The following SH3GL2 variants were observed in gnomAD, a reference collection of about 807,000 sequenced individuals.
SH3GL2 encodes endophilin-A1.
Under a neutral mutation model 46.0 loss-of-function variants are expected in SH3GL2, and 24 were observed. The observed-to-expected ratio is 0.52, with a 90% CI of 0.38 to 0.73. The LOEUF (loss-of-function observed/expected upper bound fraction) is 0.73, where lower values mean the gene tolerates loss of function less well. Among genes scored for constraint, SH3GL2 ranks in the 30% least tolerant of loss-of-function variants. The pLI is 0.00. For missense variants in SH3GL2, 413 were observed against 424.2 expected (o/e 0.97, Z 0.23); for synonymous variants, 196 against 147.1 (o/e 1.33, Z -2.40).
intron 1 of SH3GL2, among the ~76,000 whole-genome samples, chr9:17,722,135 A>T (rs1389486131): frequency 6.6e-6 from 1 of 152,110 alleles, no homozygotes; most frequent in African/African-American, 2.4e-5. Context: ...GCCCAAAGTG[A>T]CATACCCAGA....
chr9:17,657,421 C>G (rs1420108433), intron 1 of SH3GL2, among the ~76,000 whole-genome samples: 2 of 152,184 alleles, frequency 1.3e-5, no homozygotes, highest in East Asian at 1.9e-4. Flanking sequence ...TGTGACCTCT[C>G]TGGTCTTGGC....
intron 7 of SH3GL2, among the ~76,000 whole-genome samples, chr9:17,792,244 C>T (rs1419306614): frequency 6.6e-6 from 1 of 152,178 alleles, no homozygotes; most frequent in African/African-American, 2.4e-5. Flanking sequence ...TGAGCATTTT[C>T]CTTCGGCGCA....
chr9:17,606,542 T>C (rs930473149), intron 1 of SH3GL2, among the ~76,000 whole-genome samples: 12 of 152,206 alleles, frequency 7.9e-5, no homozygotes, highest in African/African-American at 2.9e-4. Flanking sequence ...CTTGCTTCGA[T>C]GGTCCATGGC....
chr9:17,631,914 T>C (rs997014636), intron 1 of SH3GL2, among the ~76,000 whole-genome samples: 2 of 152,210 alleles, frequency 1.3e-5, no homozygotes, highest in African/African-American at 2.4e-5. Flanking sequence ...TACTTTGTTA[T>C]GGTTTTGAAA....
intron 1 of SH3GL2, among the ~76,000 whole-genome samples, chr9:17,673,373 C>T (rs926908068): frequency 4.0e-5 from 6 of 151,062 alleles, no homozygotes; most frequent in African/African-American, 9.8e-5. Context: ...AGGCTGGTCC[C>T]GAATGCAGGC....
chr9:17,725,555 A>T (rs531301937), intron 1 of SH3GL2, among the ~76,000 whole-genome samples: 55 of 152,238 alleles, frequency 3.6e-4, no homozygotes, highest in African/African-American at 1.3e-3. Flanking sequence ...CTCTGTCCTC[A>T]GGGCATGCCA....
chr9:17,643,347 T>G (rs1365926926), intron 1 of SH3GL2, among the ~76,000 whole-genome samples: 2 of 152,146 alleles, frequency 1.3e-5, no homozygotes, highest in Non-Finnish European at 2.9e-5. Context: ...ATAGTTTGAG[T>G]TCTTCTCTTC....
At chr9:17,617,461 C>G (rs920306743) in intron 1 of SH3GL2, among the ~76,000 whole-genome samples, 1 of 152,118 alleles carries the variant, frequency 6.6e-6, no homozygotes. Context: ...TTGGAAAATG[C>G]AGTGTCCTTG....
intron 1 of SH3GL2, among the ~76,000 whole-genome samples, chr9:17,715,338 G>A (rs1563824189): frequency 6.6e-6 from 1 of 150,998 alleles, no homozygotes; most frequent in Non-Finnish European, 1.5e-5. Flanking sequence ...TGAGCTTCTT[G>A]GATTCATCAG....
chr9:17,753,176 C>T (rs1461293631), intron 2 of SH3GL2, among the ~76,000 whole-genome samples: 1 of 152,160 alleles, frequency 6.6e-6, no homozygotes, highest in Non-Finnish European at 1.5e-5. Flanking sequence ...CACATGTGTG[C>T]ATGTGTCTTT....
intron 1 of SH3GL2, among the ~76,000 whole-genome samples, chr9:17,616,490 T>TG (rs1819002061): frequency 6.6e-6 from 1 of 152,106 alleles, no homozygotes; most frequent in Admixed American, 6.6e-5. Flanking sequence ...GTACTTTTTG[T>TG]GGGGTAGTAT....
Position 17,732,198 on chromosome 9 carries a change from A to G in SH3GL2, c.46-14868A>G, listed in dbSNP as rs10963228. Reference sequence around the variant, plus strand: ...TAAAAAATAACCTGTTTAAGGTAGTACTGTTGGAGATGGTGACCGGAGTTG... The same window carrying G: ...TAAAAAATAACCTGTTTAAGGTAGTGCTGTTGGAGATGGTGACCGGAGTTG... On this transcript the variant is annotated intron_variant, in intron 1 of 8. Coordinates refer to ENST00000380607, the MANE Select transcript of SH3GL2 (RefSeq NM_003026.5). 5.3e-3 allele frequency among the ~76,000 whole-genome samples: 811 copies of G among 151,954 alleles called. 17 individuals carry two copies. The East Asian group carries it at 0.067, about 13-fold the overall frequency.
chr9:17,744,075 A>G (rs1053939958), intron 1 of SH3GL2, among the ~76,000 whole-genome samples: 5 of 152,202 alleles, frequency 3.3e-5, no homozygotes, highest in Admixed American at 2.6e-4. Flanking sequence ...AATGGAGACA[A>G]CAATTGATTT....
At chr9:17,580,002 A>T (rs1818247478) in intron 1 of SH3GL2, among the ~76,000 whole-genome samples, 1 of 152,166 alleles carries the variant, frequency 6.6e-6, no homozygotes, top group South Asian at 2.1e-4. Flanking sequence ...GTTTTTAATA[A>T]ATCTTTGGCA....
intron 1 of SH3GL2, among the ~76,000 whole-genome samples, chr9:17,592,317 C>G (rs1818499883): frequency 6.6e-6 from 1 of 152,312 alleles, no homozygotes; most frequent in South Asian, 2.1e-4. Context: ...GATTCAGATG[C>G]TAATGTCTTC....
intron 1 of SH3GL2, among the ~76,000 whole-genome samples, chr9:17,690,184 A>G (rs1209559104): frequency 2.6e-5 from 4 of 152,096 alleles, no homozygotes; most frequent in African/African-American, 4.8e-5. Context: ...CCCCCACAAT[A>G]TCTAGCTAGG....
At chr9:17,786,334 A>T in intron 3 of SH3GL2, 47 bp from the exon 4 acceptor site, 1 of 1,565,064 alleles carries the variant, frequency 6.4e-7, no homozygotes, top group African/African-American at 1.4e-5. Flanking sequence ...CTATTTCCGC[A>T]GTGTCACATT....
At chr9:17,646,200 C>T (rs529608798) in intron 1 of SH3GL2, among the ~76,000 whole-genome samples, 7 of 151,918 alleles carry the variant, frequency 4.6e-5, no homozygotes, top group East Asian at 2.0e-4. Flanking sequence ...ACCAAGTTCT[C>T]GTGCTATGTT....
At chr9:17,615,082 G>A (rs143045725) in intron 1 of SH3GL2, among the ~76,000 whole-genome samples, 1 of 152,238 alleles carries the variant, frequency 6.6e-6, no homozygotes, top group African/African-American at 2.4e-5. Flanking sequence ...TGGACACTTG[G>A]GCTGTGTGCT....
Sources: allele counts gnomAD v4.1 joint callset (sites outside exome capture counted in the v4.1 genomes callset), GRCh38; gene constraint gnomAD v4.1.1; transcripts MANE v1.5; gene names NCBI Gene and HGNC (gene_info 2026-07-23, HGNC 2026-07-21).